RNF168: variants seen among roughly 807,000 people sequenced by gnomAD.
RNF168 encodes the protein E3 ubiquitin-protein ligase RNF168.
RNF168 carries 34 observed loss-of-function variants against 34.9 expected under a neutral mutation model. The ratio of observed to expected loss-of-function variants is 0.97; its 90% confidence interval spans 0.74 to 1.30. The LOEUF (loss-of-function observed/expected upper bound fraction) is 1.30. Among genes scored for constraint, RNF168 ranks in the 50% most tolerant of loss-of-function variants. The pLI is 0.00. For missense variants in RNF168, 725 were observed against 682.5 expected (o/e 1.06, Z -0.69); for synonymous variants, 264 against 254.7 (o/e 1.04, Z -0.35).
intron 4 of RNF168, among the ~76,000 whole-genome samples, chr3:196,480,642 G>A (rs541872000): frequency 5.9e-5 from 9 of 151,946 alleles, no homozygotes; most frequent in South Asian, 2.1e-4. Flanking sequence ...TCCACGGGTC[G>A]TACAGATTTT....
chr3:196,492,173 G>A (rs147747081), intron 1 of RNF168, among the ~76,000 whole-genome samples: 1 of 152,252 alleles, frequency 6.6e-6, no homozygotes, highest in East Asian at 1.9e-4. Context: ...TGGAAAAAAA[G>A]TAAATCACTT....
Position 196,500,751 on chromosome 3 carries a change from T to G in RNF168, c.301+2122A>C, listed in dbSNP as rs190962993. Among the ~76,000 whole-genome samples, 151 of 152,068 alleles carry G rather than the reference T, an allele frequency of 9.9e-4. 3 individuals are homozygous for G. Among genetic ancestry groups the G allele is most frequent in the Admixed American group, 4.1e-3 (63 of 15,270 alleles). The stretch of plus-strand genomic sequence containing the variant: ...TTTTGAAACGGAGTCTCGCTCTGTC[T>G]CCCAGGCTGGAGTGCGGTGGCGTGA... On this transcript the variant is annotated intron_variant, in intron 1 of 5. Coordinates refer to ENST00000318037, the MANE Select transcript of RNF168 (RefSeq NM_152617.4).
intron 3 of RNF168, among the ~76,000 whole-genome samples, chr3:196,485,265 T>G (rs1465153296): frequency 6.6e-6 from 1 of 152,138 alleles, no homozygotes; most frequent in Non-Finnish European, 1.5e-5. Context: ...CCCAGCACTT[T>G]GGGAGGCTGA....
At chr3:196,478,801 G>A (rs1409104832) in intron 4 of RNF168, among the ~76,000 whole-genome samples, 1 of 149,192 alleles carries the variant, frequency 6.7e-6, no homozygotes, top group Non-Finnish European at 1.5e-5. Flanking sequence ...CAAGTAGCTG[G>A]GATTACAGGC....
chr3:196,478,896 T>C (rs1359118530), intron 4 of RNF168, among the ~76,000 whole-genome samples: 1 of 150,840 alleles, frequency 6.6e-6, no homozygotes, highest in Non-Finnish European at 1.5e-5. Flanking sequence ...TATTGTATTT[T>C]TGGTAGAGAC....
intron 1 of RNF168, among the ~76,000 whole-genome samples, chr3:196,500,773 G>A (rs1296652387): frequency 6.6e-6 from 1 of 151,678 alleles, no homozygotes; most frequent in African/African-American, 2.4e-5. Context: ...GTGCGGTGGC[G>A]TGATCTCGGC....
intron 4 of RNF168, among the ~76,000 whole-genome samples, 187 bp downstream of exon 4, chr3:196,483,583 T>C (rs1246731577): frequency 6.6e-6 from 1 of 152,234 alleles, no homozygotes; most frequent in Non-Finnish European, 1.5e-5. Flanking sequence ...CCACAGTAAG[T>C]GGCTGAGTGA....
At chr3:196,496,427 A>G (rs1258996852) in intron 1 of RNF168, among the ~76,000 whole-genome samples, 6 of 152,120 alleles carry the variant, frequency 3.9e-5, no homozygotes, top group Non-Finnish European at 8.8e-5. Context: ...GTGTCTTTAC[A>G]TCATCTTCCT....
chr3:196,492,710 A>G (rs59575251), intron 1 of RNF168, among the ~76,000 whole-genome samples: 16,242 of 152,094 alleles, frequency 0.11, 2,666 homozygotes, highest in African/African-American at 0.35. Flanking sequence ...CCCGAGAGGC[A>G]GAGGTTGCAG....
intron 5 of RNF168, 145 bp from the exon 6 acceptor site, chr3:196,472,917 T>C (rs900691775): frequency 3.4e-6 from 2 of 579,852 alleles, no homozygotes; most frequent in African/African-American, 3.7e-5. Context: ...TTCTTTTCTT[T>C]TTTTTTCAGA....
chr3:196,503,402 G>A lies in RNF168; in HGVS notation c.-229C>T, dbSNP rs1486347095. Reference sequence around the variant, plus strand: ...GGGCGGCGTCTTTGTCCATTTTCAAGGCAAACGTCCCGCCAGCAAATAAAT... The same window carrying A: ...GGGCGGCGTCTTTGTCCATTTTCAAAGCAAACGTCCCGCCAGCAAATAAAT... On this transcript the variant is annotated 5_prime_UTR_variant, in exon 1 of 6. Coordinates refer to ENST00000318037, the MANE Select transcript of RNF168 (RefSeq NM_152617.4). The A allele has an allele frequency of 5.3e-6, 3 of 570,718 alleles. No individual in the cohort carries two copies. The highest frequency in any genetic ancestry group is 9.4e-6 in the Non-Finnish European group (3 of 318,938). 35.4% of individuals were successfully genotyped at this position (570,718 alleles called of 1,614,324 possible).
chr3:196,477,348 C>T (rs748388821), intron 4 of RNF168, among the ~76,000 whole-genome samples: 15 of 152,130 alleles, frequency 9.9e-5, no homozygotes, highest in Admixed American at 2.0e-4. Flanking sequence ...AAATAACAGA[C>T]AAATCCATAA....
intron 4 of RNF168, among the ~76,000 whole-genome samples, chr3:196,475,695 C>T (rs1223993067): frequency 2.0e-5 from 3 of 151,198 alleles, no homozygotes; most frequent in South Asian, 2.1e-4. Flanking sequence ...GGACTACAGG[C>T]GCCCACCACC....
intron 3 of RNF168, among the ~76,000 whole-genome samples, chr3:196,484,201 C>T (rs1192257799): frequency 1.6e-5 from 2 of 125,452 alleles, no homozygotes; most frequent in Non-Finnish European, 3.2e-5. Flanking sequence ...GACGCAGTCT[C>T]GCTCTGTTGC....
intron 1 of RNF168, among the ~76,000 whole-genome samples, chr3:196,502,661 C>T (rs1211290731): frequency 1.3e-5 from 2 of 152,004 alleles, no homozygotes; most frequent in African/African-American, 4.8e-5. Flanking sequence ...TCGAACACAG[C>T]GCGGGCATTT....
intron 2 of RNF168, among the ~76,000 whole-genome samples, 194 bp downstream of exon 2, chr3:196,488,413 T>C (rs1178792227): frequency 3.3e-5 from 5 of 149,280 alleles, no homozygotes; most frequent in Non-Finnish European, 7.4e-5. Context: ...ACCCGGGAGG[T>C]GGAGGTTGCA....
At chr3:196,474,813 T>G (rs1298376276) in intron 5 of RNF168, 4 of 205,968 alleles carry the variant, frequency 1.9e-5, no homozygotes, top group Non-Finnish European at 4.0e-5. Context: ...TGAGTTTGGA[T>G]TACATAGGTC....
intron 5 of RNF168, among the ~76,000 whole-genome samples, 193 bp from the exon 6 acceptor site, chr3:196,472,965 G>T (rs184771969): frequency 6.6e-6 from 1 of 151,580 alleles, no homozygotes; most frequent in Non-Finnish European, 1.5e-5. Flanking sequence ...GCAGTGGCGC[G>T]GTCTCAGCTC....
intron 1 of RNF168, among the ~76,000 whole-genome samples, chr3:196,501,631 A>AGTG (rs2108656623): frequency 6.6e-6 from 1 of 152,320 alleles, no homozygotes; most frequent in South Asian, 2.1e-4. Context: ...TTCTGGAAAC[A>AGTG]GTGGTGATGG....
Sources: gnomAD v4.1 joint callset for allele counts (sites outside exome capture counted in the v4.1 genomes callset) on GRCh38, gnomAD v4.1.1 for gene constraint, MANE v1.5 for transcripts, NCBI Gene and HGNC (gene_info 2026-07-23, HGNC 2026-07-21) for gene names.